Variants in BIRC6 observed in about 807,000 individuals in gnomAD.
The protein encoded by BIRC6 is baculoviral IAP repeat containing 6.
Under a neutral mutation model 503.3 loss-of-function variants are expected in BIRC6, and 98 were observed. The observed-to-expected ratio is 0.19, with a 90% CI of 0.17 to 0.23. The LOEUF is 0.23. Ranked by LOEUF, BIRC6 falls within the 10% of genes least tolerant of loss-of-function variation. BIRC6 has a pLI of 1.00. For missense variants in BIRC6, 5,360 were observed against 5,806.0 expected (o/e 0.92, Z 2.50); for synonymous variants, 2,240 against 2,078.7 (o/e 1.08, Z -2.11).
At chr2:32,363,231 C>T (rs1466417173) in intron 1 of BIRC6, among the ~76,000 whole-genome samples, 1 of 152,096 alleles carries the variant, frequency 6.6e-6, no homozygotes, top group Non-Finnish European at 1.5e-5. Context: ...ACTCGGGAGG[C>T]TGAGGTGGGA....
chr2:32,593,425 T>C (rs2061500467), intron 66 of BIRC6, among the ~76,000 whole-genome samples: 1 of 152,168 alleles, frequency 6.6e-6, no homozygotes, highest in African/African-American at 2.4e-5. Context: ...GCCCTAAAAC[T>C]TAGTGTCTCA....
rs761024593 is a variant in BIRC6 at position 32,463,258 on chromosome 2, G to A, written c.4818G>A (p.Ser1606=). The change falls in exon 24 of 74, where the codon TCG becomes TCA. Residue 1606 remains serine, a synonymous_variant. Transcript: ENST00000421745. ...GLSSGTVGEA[S]TALSSAAQVA... is the part of the protein sequence containing the mutation. ...CATCTGGGACAGTTGGGGAAGCCTCGACAGCCCTGAGTTCAGCAGCCCAGG... is the reference window on the plus strand; with the variant it reads ...CATCTGGGACAGTTGGGGAAGCCTCAACAGCCCTGAGTTCAGCAGCCCAGG... The A allele has an allele frequency of 8.1e-6, 13 of 1,613,442 alleles. No individual in the cohort carries two copies. The highest frequency in any genetic ancestry group is 2.2e-5 in the East Asian group (1 of 44,880).
intron 67 of BIRC6, among the ~76,000 whole-genome samples, chr2:32,594,830 T>C (rs1260840900): frequency 6.6e-6 from 1 of 152,188 alleles, no homozygotes; most frequent in Non-Finnish European, 1.5e-5. Flanking sequence ...TGTTTTTGCT[T>C]TATTGTTATG....
intron 1 of BIRC6, among the ~76,000 whole-genome samples, chr2:32,367,626 G>T (rs950654224): frequency 4.6e-5 from 7 of 152,020 alleles, no homozygotes; most frequent in African/African-American, 1.7e-4. Flanking sequence ...GACCAGCCTG[G>T]CCAACTTGGT....
Position 32,467,685 on chromosome 2 carries a change from T to C in BIRC6, c.5517T>C (p.Thr1839=), listed in dbSNP as rs2148942200. The stretch of plus-strand genomic sequence containing the variant: ...TGGTAGTGGCAACTGATATAAGCAC[T>C]CATTCACTAATTCTTCATGACTTAA... The part of the protein sequence containing the change: ...RRLVVATDIS[T]HSLILHDLIP... The change falls in exon 27 of 74, where the codon ACT becomes ACC. Residue 1839 remains threonine (T), a synonymous_variant. Coordinates refer to ENST00000421745, the MANE Select transcript of BIRC6 (RefSeq NM_016252.4). 1 of 1,613,914 alleles carries C rather than the reference T, an allele frequency of 6.2e-7. No homozygotes were observed. Among genetic ancestry groups the C allele is most frequent in the Non-Finnish European group, 8.5e-7 (1 of 1,179,862 alleles).
intron 73 of BIRC6, among the ~76,000 whole-genome samples, chr2:32,613,644 C>T (rs750880911): frequency 1.4e-4 from 21 of 152,084 alleles, no homozygotes; most frequent in Non-Finnish European, 2.5e-4. Flanking sequence ...AGTGAGCCAC[C>T]GCGCCCCGCC....
chr2:32,556,911 C>T (rs2058821373), intron 65 of BIRC6, among the ~76,000 whole-genome samples: 1 of 150,466 alleles, frequency 6.6e-6, no homozygotes, highest in Non-Finnish European at 1.5e-5. Context: ...TGCATTCCAA[C>T]CTAAGTGACA....
At chr2:32,489,331 C>A (rs1354010571) in intron 42 of BIRC6, among the ~76,000 whole-genome samples, 1 of 151,968 alleles carries the variant, frequency 6.6e-6, no homozygotes, top group East Asian at 1.9e-4. Flanking sequence ...AATGTGAGTG[C>A]CAGCTCCACT....
chr2:32,613,088 A>G (rs2062988852), intron 73 of BIRC6, among the ~76,000 whole-genome samples: 1 of 151,760 alleles, frequency 6.6e-6, no homozygotes. Context: ...AGGCCTTTAC[A>G]CATGGTTTCC....
intron 10 of BIRC6, among the ~76,000 whole-genome samples, chr2:32,419,240 A>G (rs1485761110): frequency 1.3e-5 from 2 of 152,234 alleles, no homozygotes; most frequent in Non-Finnish European, 2.9e-5. Flanking sequence ...AATCAAATGG[A>G]TGTGACCCTG....
Position 32,444,031 on chromosome 2 carries a change from GTT to G in BIRC6, c.4336+460_4336+461del, listed in dbSNP as rs776568064. Among the ~76,000 whole-genome samples the G allele has an allele frequency of 4.3e-4, 59 of 136,734 alleles. 1 individual carries two copies. The highest frequency in any genetic ancestry group is 1.0e-3 in the African/African-American group (37 of 36,228). The allele number at this position is 136,734 out of a possible 152,430, so 89.7% of individuals were successfully genotyped here. A position where few individuals can be genotyped will look rare whatever the true frequency, so the allele number is the denominator to read the frequency against. On this transcript the variant is annotated intron_variant, in intron 20 of 73. Coordinates refer to ENST00000421745, the MANE Select transcript of BIRC6 (RefSeq NM_016252.4). ...TGGAATTTCCTAAAAGGGACCAGTG[GTT>G]TTTTTTTTTTTTTTTTAAAGCACCT...
intron 59 of BIRC6, 120 bp downstream of exon 59, chr2:32,525,748 G>A: frequency 1.1e-6 from 1 of 940,250 alleles, no homozygotes; most frequent in South Asian, 1.7e-5. Context: ...CAGTGAGTTA[G>A]TGAGACTTCT....
intron 61 of BIRC6, among the ~76,000 whole-genome samples, chr2:32,533,506 G>A (rs562395835): frequency 1.3e-5 from 2 of 152,354 alleles, no homozygotes; most frequent in South Asian, 2.1e-4. Context: ...CACAGAAGGT[G>A]CTAAAATTTA....
At chr2:32,444,835 G>A (rs1413484178) in intron 20 of BIRC6, among the ~76,000 whole-genome samples, 1 of 152,096 alleles carries the variant, frequency 6.6e-6, no homozygotes, top group Non-Finnish European at 1.5e-5. Flanking sequence ...TATTTACATT[G>A]AACATATTTT....
At chr2:32,526,402 G>C (rs2149912462) in intron 59 of BIRC6, 1 of 152,186 alleles carries the variant, frequency 6.6e-6, no homozygotes, top group South Asian at 2.1e-4. Flanking sequence ...CTGTGGTGTT[G>C]GAAATTTAAA....
At chr2:32,377,481 G>T in intron 1 of BIRC6, 107 bp from the exon 2 acceptor site, 9 of 840,690 alleles carry the variant, frequency 1.1e-5, no homozygotes, top group East Asian at 6.7e-5. Context: ...TCCAGTTTAA[G>T]ATCCAATTCA....
At chr2:32,567,326 C>A (rs1299280934) in intron 65 of BIRC6, among the ~76,000 whole-genome samples, 1 of 152,208 alleles carries the variant, frequency 6.6e-6, no homozygotes, top group Non-Finnish European at 1.5e-5. Flanking sequence ...ATCCCCATAT[C>A]CACATACCTT....
At chr2:32,371,185 C>T (rs2035878703) in intron 1 of BIRC6, among the ~76,000 whole-genome samples, 1 of 125,954 alleles carries the variant, frequency 7.9e-6, no homozygotes, top group Admixed American at 9.5e-5. Context: ...TGCACCACTC[C>T]AGCCTGGGCA....
intron 55 of BIRC6, among the ~76,000 whole-genome samples, chr2:32,516,660 G>T (rs2055078323): frequency 6.6e-6 from 1 of 150,784 alleles, no homozygotes; most frequent in African/African-American, 2.4e-5. Flanking sequence ...GGGTGTGGTG[G>T]ATTGTCATAT....
Sources: allele counts gnomAD v4.1 joint callset (sites outside exome capture counted in the v4.1 genomes callset), GRCh38; gene constraint gnomAD v4.1.1; transcripts MANE v1.5; gene names NCBI Gene and HGNC (gene_info 2026-07-23, HGNC 2026-07-21).